The following BOD1L1 variants were observed in gnomAD, a reference collection of about 807,000 sequenced individuals.
BOD1L1 encodes biorientation of chromosomes in cell division 1 like 1.
Under a neutral mutation model 240.7 loss-of-function variants are expected in BOD1L1, and 86 were observed. The observed-to-expected ratio is 0.36, with a 90% confidence interval of 0.30 to 0.43. BOD1L1 has a LOEUF of 0.43. BOD1L1 is among the 20% of genes least tolerant of loss of function. The pLI is 1.00. For missense variants in BOD1L1, 3,554 were observed against 3,643.5 expected (o/e 0.98, Z 0.63); for synonymous variants, 1,268 against 1,272.3 (o/e 1.00, Z 0.07).
chr4:13,604,771 G>A lies in BOD1L1; in HGVS notation c.2129C>T (p.Thr710Ile), dbSNP rs773657231. 1 of 1,613,272 alleles carries A rather than the reference G, an allele frequency of 6.2e-7. No homozygotes were observed. The highest frequency in any genetic ancestry group is 1.3e-5 in the African/African-American group (1 of 74,850). The change falls in exon 10 of 26, where the codon ACA becomes ATA. Residue 710 changes from threonine (T) to isoleucine (I), a missense_variant. By Grantham distance (89) the Thr-to-Ile change is moderately conservative. Transcript: ENST00000040738. ...CTTAAGTAGGCTTTTCAAATGTGGT[G>A]TTTCAGAATCATCTTTCTTTAGATG... Reference protein sequence around the residue: ...EKHLKKDDSETPHLKSLLKKE... With the variant: ...EKHLKKDDSEIPHLKSLLKKE...
chr4:13,616,839 A>C (rs1416303654), intron 2 of BOD1L1, among the ~76,000 whole-genome samples: 1 of 152,236 alleles, frequency 6.6e-6, no homozygotes, highest in Non-Finnish European at 1.5e-5. Flanking sequence ...AAGATTAAAA[A>C]AAAATGCAAA....
Position 13,600,845 on chromosome 4 carries a change from A to G in BOD1L1, c.6055T>C (p.Cys2019Arg), listed in dbSNP as rs1218979897. The G allele has an allele frequency of 1.7e-5, 28 of 1,613,840 alleles. No individual in the cohort carries two copies. Among genetic ancestry groups the G allele is most frequent in the Non-Finnish European group, 2.4e-5 (28 of 1,179,818 alleles). ...DVLVSGEVPECEVAHTSPSEK... is the reference protein window; with the variant it reads ...DVLVSGEVPEREVAHTSPSEK... ...CTTGGTGATGTGTGAGCAACTTCAC[A>G]TTCTGGGACTTCACCAGATACAAGA... The change falls in exon 10 of 26, where the codon TGT becomes CGT. Residue 2019 changes from cysteine (C) to arginine (R), a missense_variant. Physicochemically the swap from Cys to Arg is radical, Grantham distance 180. This residue lies in a region of BOD1L1 where 3,393 missense variants were observed against 3,427.1 expected (regional missense o/e 0.99). Transcript: ENST00000040738.
In BOD1L1 at chr4:13,600,253, C is replaced by A. The variant is rs748495323; in HGVS notation, c.6647G>T (p.Cys2216Phe). ...ASTSKEEKDE[C>F]ALISTSIAEE... Reference sequence around the variant, plus strand: ...TGCTATGCTAGTGGAAATGAGAGCACATTCATCCTTCTCCTCCTTGCTGGT... The same window carrying A: ...TGCTATGCTAGTGGAAATGAGAGCAAATTCATCCTTCTCCTCCTTGCTGGT... Residue 2216 changes from cysteine to phenylalanine, a missense_variant, in exon 10 of 26, where the codon TGT (cysteine) becomes TTT (phenylalanine). Physicochemically the swap from Cys to Phe is radical, Grantham distance 205. Around this residue, in one of 2 missense-constraint regions of BOD1L1, gnomAD observed 3,393 missense variants for 3,427.1 expected, o/e 0.99. Coordinates refer to ENST00000040738, the MANE Select transcript of BOD1L1 (RefSeq NM_148894.3). The A allele has an allele frequency of 1.9e-6, 3 of 1,614,024 alleles. No individual in the cohort carries two copies. The East Asian group carries it at 6.7e-5, about 36-fold the overall frequency.
Position 13,572,937 on chromosome 4 carries a change from C to T in BOD1L1, c.9039-2809G>A, listed in dbSNP as rs184874661. 42 of 1,083,158 alleles carry T rather than the reference C, an allele frequency of 3.9e-5. No individual in the cohort carries two copies. In the East Asian group the frequency reaches 1.3e-3, roughly 32 times the overall value. 67.1% of individuals were successfully genotyped at this position (1,083,158 alleles called of 1,614,324 possible). On this transcript the variant is annotated intron_variant, in intron 25 of 25. Transcript: ENST00000040738. ...AGTATGAGGCTCCTTGTGGGCAAGT[C>T]AGAACAATAGGAACTAAAATCAGAA...
rs1288297646 is a variant in BOD1L1, at chr4:13,614,372, T to C, written c.998A>G (p.Glu333Gly). 1.3e-6 allele frequency: 2 copies of C among 1,555,038 alleles called. No individual in the cohort carries two copies. Among genetic ancestry groups the C allele is most frequent in the African/African-American group, 2.7e-5 (2 of 73,326 alleles). ...EKKPDSNEKGERKKEKKEKTE... is the reference protein window; with the variant it reads ...EKKPDSNEKGGRKKEKKEKTE... ...CTTTTCCTTCTTTTCTTTCTTTCTT[T>C]CTCCTTTCTCATTGCTGTCTGGCTT... The change falls in exon 4 of 26, where the codon GAA (glutamate) becomes GGA (glycine). Residue 333 changes from glutamate to glycine, a missense_variant. Physicochemically the swap from Glu to Gly is moderately conservative, Grantham distance 98 (BLOSUM62 -2). Coordinates refer to ENST00000040738, the MANE Select transcript of BOD1L1 (RefSeq NM_148894.3).
At chr4:13,575,858 T>G (rs914774244) in intron 25 of BOD1L1, among the ~76,000 whole-genome samples, 1 of 151,592 alleles carries the variant, frequency 6.6e-6, no homozygotes, top group African/African-American at 2.4e-5. Flanking sequence ...TTAAACAAAG[T>G]TCAACAGGCT....
At chr4:13,578,523 T>C (rs1712963681) in intron 22 of BOD1L1, among the ~76,000 whole-genome samples, 1 of 152,168 alleles carries the variant, frequency 6.6e-6, no homozygotes, top group Non-Finnish European at 1.5e-5. Context: ...TCCTAGGCAT[T>C]TTGAATAAGG....
rs765260239 is a variant in BOD1L1 at position 13,600,377 on chromosome 4, C to A, written c.6523G>T (p.Val2175Leu). ...AESLQPVAAA[V>L]EERATGPVLI... The stretch of plus-strand genomic sequence containing the variant: ...ACTGGACCTGTAGCCCTTTCTTCCA[C>A]TGCTGCAGCAACCGGCTGAAGACTT... The change falls in exon 10 of 26, where the codon GTG becomes TTG. Residue 2175 changes from valine (V) to leucine (L), a missense_variant. Around this residue, in one of 2 missense-constraint regions of BOD1L1, gnomAD observed 3,393 missense variants for 3,427.1 expected, o/e 0.99. Transcript: ENST00000040738. The A allele has an allele frequency of 1.2e-6, 2 of 1,614,056 alleles. No homozygotes were observed. The highest frequency in any genetic ancestry group is 2.2e-5 in the East Asian group (1 of 44,878).
At position 13,582,330 on chromosome 4, in the gene BOD1L1, T is replaced by G. The variant is rs748743551; in HGVS notation, c.8519-20A>C. On this transcript the variant is annotated intron_variant, in intron 18 of 25. Coordinates refer to ENST00000040738, the MANE Select transcript of BOD1L1 (RefSeq NM_148894.3). ...ATTCATCTGTAGAAAAGGAAGAACT[T>G]TGTTCAATGCTAGTGACCATGGTCA... is the stretch of plus-strand genomic sequence containing the variant. 119 of 1,601,742 alleles carry G rather than the reference T, an allele frequency of 7.4e-5. 1 individual carries two copies. In the South Asian group the frequency reaches 1.3e-3, roughly 17 times the overall value.
At chr4:13,575,527 C>T (rs1712639263) in intron 25 of BOD1L1, among the ~76,000 whole-genome samples, 1 of 151,840 alleles carries the variant, frequency 6.6e-6, no homozygotes, top group Admixed American at 6.6e-5. Flanking sequence ...ACTACAGGTG[C>T]ATGCCACCAT....
At position 13,576,916 on chromosome 4, in the gene BOD1L1, T is replaced by A. The variant is rs1171641640; in HGVS notation, c.8960A>T (p.Asp2987Val). Residue 2987 changes from aspartate (D) to valine (V), a missense_variant, in exon 25 of 26, where the codon GAT becomes GTT. By Grantham distance (152) the Asp-to-Val change is radical. Transcript: ENST00000040738. ...PVEDKKEQES[D>V]EEEEEEEEDE... is the part of the protein sequence containing the mutation. ...CTCTTCCTCTTCTTCCTCTTCCTCA[T>A]CAGACTCCTGCTCTTTCTTGTCCTC... 1 of 1,613,984 alleles carries A rather than the reference T, an allele frequency of 6.2e-7. No individual in the cohort carries two copies.
At chr4:13,596,299 C>T (rs1714615147) in intron 11 of BOD1L1, among the ~76,000 whole-genome samples, 1 of 152,082 alleles carries the variant, frequency 6.6e-6, no homozygotes, top group African/African-American at 2.4e-5. Flanking sequence ...ACCACGTGCC[C>T]TCCTGTCTCT....
At chr4:13,577,816 T>G in intron 22 of BOD1L1, 185 bp from the exon 23 acceptor site, 1 of 431,952 alleles carries the variant, frequency 2.3e-6, no homozygotes, top group East Asian at 3.7e-5. Context: ...GGATTGTGAG[T>G]CACGAAACAT....
At chr4:13,598,912 A>G (rs771085927) in intron 10 of BOD1L1, 34 bp downstream of exon 10, 13 of 1,553,712 alleles carry the variant, frequency 8.4e-6, no homozygotes, top group Non-Finnish European at 1.1e-5. Context: ...ATCCTTGTAA[A>G]TATTAAAATT....
intron 17 of BOD1L1, among the ~76,000 whole-genome samples, chr4:13,584,363 T>TGA (rs534622727): frequency 2.0e-5 from 3 of 150,922 alleles, no homozygotes; most frequent in Non-Finnish European, 3.0e-5. Context: ...TGTGTGTGTG[T>TGA]GAGAGAGAGA....
intron 12 of BOD1L1, among the ~76,000 whole-genome samples, chr4:13,594,182 T>C (rs1267632933): frequency 6.6e-6 from 1 of 152,166 alleles, no homozygotes; most frequent in Non-Finnish European, 1.5e-5. Flanking sequence ...TTTAAGCAAA[T>C]GCCTATAGAG....
rs1466428045 is a variant in BOD1L1, at chr4:13,608,611, G to A, written c.1661C>T (p.Ala554Val). The A allele has an allele frequency of 6.4e-6, 10 of 1,558,490 alleles. No homozygotes were observed. The highest frequency in any genetic ancestry group is 2.4e-5 in the East Asian group (1 of 42,322). The change falls in exon 8 of 26, where the codon GCC becomes GTC. Residue 554 changes from alanine (A) to valine (V), a missense_variant. By Grantham distance (64) the Ala-to-Val change is moderately conservative. This residue lies in a region of BOD1L1 where 3,393 missense variants were observed against 3,427.1 expected (regional missense o/e 0.99). Transcript: ENST00000040738. ...TTCTTTAAGGACTTCTTTAATTCTG[G>A]CGGCTTTAGGTTCCAAACTCTTTGT... ...SSTKSLEPKA[A>V]RIKEVLKERK...
chr4:13,600,739 T>C lies in BOD1L1; in HGVS notation c.6161A>G (p.Asp2054Gly). 1 of 1,614,034 alleles carries C rather than the reference T, an allele frequency of 6.2e-7. No homozygotes were observed. The highest frequency in any genetic ancestry group is 1.6e-4 in the Middle Eastern group (1 of 6,062). The change falls in exon 10 of 26, where the codon GAT becomes GGT. Residue 2054 changes from aspartate to glycine, a missense_variant. Physicochemically the swap from Asp to Gly is moderately conservative, Grantham distance 94. Around this residue, in one of 2 missense-constraint regions of BOD1L1, gnomAD observed 3,393 missense variants for 3,427.1 expected, o/e 0.99. Transcript: ENST00000040738. Reference protein sequence around the residue: ...DGLMATTASGDITNQNSLAGG... With the variant: ...DGLMATTASGGITNQNSLAGG... ...TGCTAAGCTATTCTGGTTGGTAATA[T>C]CACCACTGGCTGTAGTTGCCATGAG...
rs760461676 is a variant in BOD1L1, at chr4:13,570,145, C to G, written c.9039-17G>C. 1 of 1,526,832 alleles carries G rather than the reference C, an allele frequency of 6.5e-7. No homozygotes were observed. Among genetic ancestry groups the G allele is most frequent in the South Asian group, 1.3e-5 (1 of 79,732 alleles). The allele number at this position is 1,526,832 out of a possible 1,614,324, so 94.6% of individuals were successfully genotyped here. A position where few individuals can be genotyped will look rare whatever the true frequency, so the allele number is the denominator to read the frequency against. On this transcript the variant is annotated splice_polypyrimidine_tract_variant and intron_variant, in intron 25 of 25. Transcript: ENST00000040738. ...GTCTTTGATCTGCATTAAGCAAAGT[C>G]AAGGCAATGGTGAGGTTTAAAAGCA...
Sources: gnomAD v4.1 joint callset for allele counts (sites outside exome capture counted in the v4.1 genomes callset) on GRCh38, gnomAD v4.1.1 for gene constraint, gnomAD v4.1.1 regional missense constraint, MANE v1.5 for transcripts, NCBI Gene and HGNC (gene_info 2026-07-23, HGNC 2026-07-21) for gene names.